Variants in RGS7 observed in about 807,000 individuals in gnomAD.
RGS7 encodes regulator of G-protein signaling 7.
Under a neutral mutation model 81.1 loss-of-function variants are expected in RGS7, and 27 were observed. The observed-to-expected ratio is 0.33, with a 90% CI of 0.25 to 0.46. The LOEUF (loss-of-function observed/expected upper bound fraction) is 0.46, where lower values mean the gene tolerates loss of function less well. RGS7 is among the 20% of genes least tolerant of loss of function. The pLI is 1.00. For synonymous variants in RGS7, 208 were observed against 207.7 expected (o/e 1.00, Z -0.01); for missense variants, 396 against 607.4 (o/e 0.65, Z 3.66).
intron 2 of RGS7, among the ~76,000 whole-genome samples, chr1:241,268,889 T>C (rs2148331566): frequency 6.6e-6 from 1 of 152,314 alleles, no homozygotes; most frequent in Middle Eastern, 3.4e-3. Flanking sequence ...CCTTGTCTTT[T>C]CTGTCTTTTA....
chr1:241,001,653 G>T (rs1388759962), intron 3 of RGS7, among the ~76,000 whole-genome samples: 1 of 152,074 alleles, frequency 6.6e-6, no homozygotes, highest in Admixed American at 6.6e-5. Context: ...AGAACCTTAA[G>T]TGCATATTAC....
At chr1:241,195,351 C>T (rs77581394) in intron 2 of RGS7, among the ~76,000 whole-genome samples, 1 of 152,096 alleles carries the variant, frequency 6.6e-6, no homozygotes, top group Admixed American at 6.5e-5. Context: ...TGGCGGGCAC[C>T]TGTAATCCCA....
chr1:240,917,464 TA>T (rs1210580405), intron 6 of RGS7, among the ~76,000 whole-genome samples: 1 of 152,110 alleles, frequency 6.6e-6, no homozygotes, highest in African/African-American at 2.4e-5. Flanking sequence ...ACAGCAATAT[TA>T]TAAGAGATAA....
At chr1:241,225,208 T>G (rs2075250020) in intron 2 of RGS7, among the ~76,000 whole-genome samples, 1 of 152,166 alleles carries the variant, frequency 6.6e-6, no homozygotes, top group African/African-American at 2.4e-5. Context: ...TGAATCCATA[T>G]GTACACATTA....
intron 6 of RGS7, among the ~76,000 whole-genome samples, chr1:240,895,227 C>A (rs538118401): frequency 2.0e-5 from 3 of 152,282 alleles, no homozygotes; most frequent in African/African-American, 4.8e-5. Flanking sequence ...GAACAGCCTG[C>A]AGAACCATGA....
chr1:241,048,096 G>A (rs1173301533), intron 3 of RGS7, among the ~76,000 whole-genome samples: 1 of 150,184 alleles, frequency 6.7e-6, no homozygotes, highest in Non-Finnish European at 1.5e-5. Context: ...TGTATGGCGG[G>A]GTCACGGGCA....
At chr1:241,192,110 C>T (rs1302591078) in intron 2 of RGS7, among the ~76,000 whole-genome samples, 4 of 150,734 alleles carry the variant, frequency 2.7e-5, no homozygotes, top group Non-Finnish European at 5.9e-5. Context: ...CTAAAAGCTC[C>T]ATATCTTGCC....
intron 2 of RGS7, among the ~76,000 whole-genome samples, chr1:241,316,882 C>A (rs1187157468): frequency 6.6e-6 from 1 of 152,112 alleles, no homozygotes; most frequent in African/African-American, 2.4e-5. Flanking sequence ...TGAATCAGAT[C>A]ATTTAATAGT....
At chr1:240,920,697 A>C in intron 6 of RGS7, 9 of 675,890 alleles carry the variant, frequency 1.3e-5, no homozygotes, top group South Asian at 1.3e-4. Context: ...AACTCAGCCA[A>C]GCACAGTGGT....
At chr1:240,976,129 A>C (rs968459682) in intron 4 of RGS7, among the ~76,000 whole-genome samples, 1 of 152,274 alleles carries the variant, frequency 6.6e-6, no homozygotes, top group Non-Finnish European at 1.5e-5. Context: ...CAAAAATCTA[A>C]GGGAGCAATG....
At chr1:241,213,490 C>T (rs1435256741) in intron 2 of RGS7, among the ~76,000 whole-genome samples, 1 of 152,190 alleles carries the variant, frequency 6.6e-6, no homozygotes, top group Non-Finnish European at 1.5e-5. Context: ...CAGTCACACT[C>T]AACATCTCTG....
At chr1:241,220,580 A>C (rs2074833723) in intron 2 of RGS7, among the ~76,000 whole-genome samples, 1 of 152,040 alleles carries the variant, frequency 6.6e-6, no homozygotes, top group South Asian at 2.1e-4. Flanking sequence ...CTAGGCTGTA[A>C]TTATGTGGGT....
chr1:241,087,722 G>C (rs917906843), intron 3 of RGS7, among the ~76,000 whole-genome samples: 3 of 152,224 alleles, frequency 2.0e-5, no homozygotes, highest in Admixed American at 6.5e-5. Flanking sequence ...GCCGAGGTGG[G>C]CAGATCACTT....
intron 2 of RGS7, among the ~76,000 whole-genome samples, chr1:241,139,525 T>C (rs1270171970): frequency 6.6e-6 from 1 of 152,172 alleles, no homozygotes; most frequent in Non-Finnish European, 1.5e-5. Context: ...TATTTGAAAG[T>C]GGAATCATTG....
At chr1:241,122,215 G>T (rs1193213678) in intron 2 of RGS7, among the ~76,000 whole-genome samples, 1 of 152,170 alleles carries the variant, frequency 6.6e-6, no homozygotes, top group African/African-American at 2.4e-5. Flanking sequence ...AAAATTAAAT[G>T]AATATGTGAT....
chr1:240,913,743 T>A (rs563542883), intron 6 of RGS7, among the ~76,000 whole-genome samples: 1 of 152,256 alleles, frequency 6.6e-6, no homozygotes, highest in Non-Finnish European at 1.5e-5. Flanking sequence ...ATGTTGCTTA[T>A]TTTGTGCTTT....
intron 2 of RGS7, among the ~76,000 whole-genome samples, chr1:241,129,266 A>AC (rs994475191): frequency 6.6e-6 from 1 of 151,870 alleles, no homozygotes; most frequent in Non-Finnish European, 1.5e-5. Context: ...CAAACAAACA[A>AC]ACAAAAAAAA....
intron 3 of RGS7, among the ~76,000 whole-genome samples, chr1:241,023,325 G>A (rs1387226113): frequency 6.6e-6 from 1 of 152,086 alleles, no homozygotes; most frequent in Non-Finnish European, 1.5e-5. Flanking sequence ...TTTTCTCTCT[G>A]CTCCTTTAGG....
intron 3 of RGS7, among the ~76,000 whole-genome samples, chr1:241,072,438 G>A (rs1013257150): frequency 2.6e-5 from 4 of 152,180 alleles, no homozygotes; most frequent in South Asian, 4.2e-4. Context: ...GTGTCCTGCC[G>A]AAGGTTGTCA....
Sources: allele counts gnomAD v4.1 joint callset (sites outside exome capture counted in the v4.1 genomes callset), GRCh38; gene constraint gnomAD v4.1.1; transcripts MANE v1.5; gene names NCBI Gene and HGNC (gene_info 2026-07-23, HGNC 2026-07-21).